FBH1: variants seen among roughly 807,000 people sequenced by gnomAD.
FBH1 encodes F-box DNA helicase 1, also known as DNA 3'-5' helicase 1.
FBH1 carries 43 observed loss-of-function variants against 115.5 expected under a neutral mutation model. The ratio of observed to expected loss-of-function variants is 0.37; its 90% confidence interval spans 0.29 to 0.48. The LOEUF (loss-of-function observed/expected upper bound fraction) is 0.48. Ranked by LOEUF, FBH1 falls within the 20% of genes least tolerant of loss-of-function variation. The pLI is 0.99. For missense variants in FBH1, 1,001 were observed against 1,337.3 expected (o/e 0.75, Z 3.92); for synonymous variants, 524 against 507.8 (o/e 1.03, Z -0.43).
Position 5,936,594 on chromosome 10 carries a change from C to A in FBH1, c.2961+7C>A. On this transcript the variant is annotated splice_region_variant and intron_variant, in intron 20 of 20. Transcript: ENST00000362091. This position sits in a 1 kb window ranked among gnomAD's most constrained non-coding sequence, Gnocchi z 5.6. ...GAAGCTGCCCATCACCTATGTACGTCTGCTGTCTGTGGAACTTAATTCAGC... is the reference window on the plus strand; with the variant it reads ...GAAGCTGCCCATCACCTATGTACGTATGCTGTCTGTGGAACTTAATTCAGC... 6.2e-7 allele frequency: 1 copy of A among 1,613,332 alleles called. No individual in the cohort carries two copies. The highest frequency in any genetic ancestry group is 1.1e-5 in the South Asian group (1 of 91,048).
intron 19 of FBH1, chr10:5,929,640 C>T (rs1034200464): frequency 1.3e-5 from 2 of 152,240 alleles, no homozygotes; most frequent in Admixed American, 6.5e-5. Context: ...TACCCAGCCC[C>T]ACTGCTGTAG....
Position 5,895,180 on chromosome 10 carries a change from C to A in FBH1, c.1+4834C>A, listed in dbSNP as rs770334474. 6.2e-7 allele frequency: 1 copy of A among 1,612,210 alleles called. No homozygotes were observed. The highest frequency in any genetic ancestry group is 1.3e-5 in the African/African-American group (1 of 74,834). On this transcript the variant is annotated intron_variant, in intron 1 of 20. Transcript: ENST00000362091. This position sits in a 1 kb window ranked among gnomAD's most constrained non-coding sequence, Gnocchi z 5.0. ...CCCACTTGCTGGTCTTCACAGAGCA[C>A]GCTGAAAGTAAGAGGCATGTGGGAA...
Position 5,918,670 on chromosome 10 carries a change from C to T in FBH1, c.2100+192C>T, listed in dbSNP as rs1208063426. Among the ~76,000 whole-genome samples the T allele has an allele frequency of 6.6e-6, 1 of 152,182 alleles. No homozygotes were observed. The highest frequency in any genetic ancestry group is 2.4e-5 in the African/African-American group (1 of 41,446). On this transcript the variant is annotated intron_variant, in intron 13 of 20. Transcript: ENST00000362091. This position sits in a 1 kb window ranked among gnomAD's most constrained non-coding sequence, Gnocchi z 4.0. ...TCATAAGAGGTGTGTGCACAGCGGTCGTCTGAGGAAGAGCTGCTGCGGCTG... is the reference window on the plus strand; with the variant it reads ...TCATAAGAGGTGTGTGCACAGCGGTTGTCTGAGGAAGAGCTGCTGCGGCTG...
At chr10:5,928,410 A>C (rs1832782850) in intron 19 of FBH1, 3 of 152,196 alleles carry the variant, frequency 2.0e-5, no homozygotes, top group Non-Finnish European at 4.4e-5. Context: ...TCAGCCTCCC[A>C]AAGTGCTGGA....
rs987103260 is a variant in FBH1, at chr10:5,936,230, AATATAT to A, written c.2830-219_2830-214del. Reference sequence around the variant, plus strand: ...AATAGTTTTGCATGTTTATCTGTTAAATATATATATATTTAAAAAGCAATTGGACTG... The same window carrying A: ...AATAGTTTTGCATGTTTATCTGTTAAATATATTTAAAAAGCAATTGGACTG... On this transcript the variant is annotated intron_variant, in intron 19 of 20. Coordinates refer to ENST00000362091, the MANE Select transcript of FBH1 (RefSeq NM_178150.3). This position sits in a 1 kb window ranked among gnomAD's most constrained non-coding sequence, Gnocchi z 5.6. The A allele has an allele frequency of 3.0e-6, 1 of 334,644 alleles. No homozygotes were observed. The highest frequency in any genetic ancestry group is 2.0e-5 in the African/African-American group (1 of 48,968). The allele number at this position is 334,644 out of a possible 1,614,324, so 20.7% of individuals were successfully genotyped here.
chr10:5,900,158 A>G lies in FBH1; in HGVS notation c.2-2862A>G, dbSNP rs985187237. On this transcript the variant is annotated intron_variant, in intron 1 of 20. Coordinates refer to ENST00000362091, the MANE Select transcript of FBH1 (RefSeq NM_178150.3). The surrounding 1 kb of genome is among the most constrained non-coding windows in gnomAD (Gnocchi z 4.2). ...ACTTCCTGCTTTGCCATTAGGTGGC[A>G]TCTTTATAATTTGAAGGATATTTCA... is the stretch of plus-strand genomic sequence containing the variant. Among the ~76,000 whole-genome samples the G allele has an allele frequency of 6.6e-6, 1 of 152,240 alleles. No individual in the cohort carries two copies. The highest frequency in any genetic ancestry group is 2.4e-5 in the African/African-American group (1 of 41,474).
intron 19 of FBH1, 139 bp downstream of exon 19, chr10:5,927,680 G>T (rs765543525): frequency 1.1e-5 from 7 of 628,284 alleles, no homozygotes; most frequent in African/African-American, 5.5e-5. Flanking sequence ...AACGTGCAAA[G>T]GCCGATGACC....
rs1013397226 is a variant in FBH1 at position 5,933,256 on chromosome 10, C to T, written c.2830-3200C>T. ...TACAAAAATTAGCTGGGTGTAGTGG[C>T]GTATGCCTGTAATCCCAGCTACTCA... On this transcript the variant is annotated intron_variant, in intron 19 of 20. Coordinates refer to ENST00000362091, the MANE Select transcript of FBH1 (RefSeq NM_178150.3). The surrounding 1 kb of genome is among the most constrained non-coding windows in gnomAD (Gnocchi z 4.9). Among the ~76,000 whole-genome samples, 4 of 152,152 alleles carry T rather than the reference C, an allele frequency of 2.6e-5. No individual in the cohort carries two copies. Among genetic ancestry groups the T allele is most frequent in the South Asian group, 4.1e-4 (2 of 4,824 alleles).
rs927575363 is a variant in FBH1 at position 5,890,306 on chromosome 10, CCGG to C, written c.-29_-27del. On this transcript the variant is annotated 5_prime_UTR_variant, in exon 1 of 21. Coordinates refer to ENST00000362091, the MANE Select transcript of FBH1 (RefSeq NM_178150.3). The stretch of plus-strand genomic sequence containing the variant: ...GGGCTGAGCGGCCGGCGGCGCGGGC[CCGG>C]CGGCGGCGGCAGCGGGGTCCGGGTC... 1.6e-5 allele frequency: 6 copies of C among 375,528 alleles called. No homozygotes were observed. Among genetic ancestry groups the C allele is most frequent in the East Asian group, 4.0e-5 (1 of 24,866 alleles). The allele number at this position is 375,528 out of a possible 1,614,324, so 23.3% of individuals were successfully genotyped here. A position where few individuals can be genotyped will look rare whatever the true frequency, so the allele number is the denominator to read the frequency against.
intron 1 of FBH1, 133 bp downstream of exon 1, chr10:5,890,479 G>A: frequency 3.3e-6 from 1 of 307,046 alleles, no homozygotes; most frequent in Non-Finnish European, 6.3e-6. Flanking sequence ...GCGAGGCTGG[G>A]CTCGGGCAAG....
rs1185827891 is a variant in FBH1, at chr10:5,932,568, C to T, written c.2830-3888C>T. Among the ~76,000 whole-genome samples the T allele has an allele frequency of 6.6e-6, 1 of 152,222 alleles. No individual in the cohort carries two copies. The highest frequency in any genetic ancestry group is 1.5e-5 in the Non-Finnish European group (1 of 68,046). On this transcript the variant is annotated intron_variant, in intron 19 of 20. Coordinates refer to ENST00000362091, the MANE Select transcript of FBH1 (RefSeq NM_178150.3). This position sits in a 1 kb window ranked among gnomAD's most constrained non-coding sequence, Gnocchi z 5.9. ...TGCCGTTCTCGCTCATGGACGTGGT[C>T]ACTTCCAGCCTTTTGCTTTCATTAA...
At chr10:5,891,570 T>C (rs1479989187) in intron 1 of FBH1, among the ~76,000 whole-genome samples, 1 of 152,208 alleles carries the variant, frequency 6.6e-6, no homozygotes, top group African/African-American at 2.4e-5. Context: ...TTCCCTGTTT[T>C]TTAAACATAA....
chr10:5,936,731 G>A lies in FBH1; in HGVS notation c.2961+144G>A, dbSNP rs1178958268. On this transcript the variant is annotated intron_variant, in intron 20 of 20. Transcript: ENST00000362091. This position sits in a 1 kb window ranked among gnomAD's most constrained non-coding sequence, Gnocchi z 5.6. ...GCTTTTCATATGAGAGGCACAAGAGGTGTGTGGTCTGTCCCAGGGTCAGAG... is the reference window on the plus strand; with the variant it reads ...GCTTTTCATATGAGAGGCACAAGAGATGTGTGGTCTGTCCCAGGGTCAGAG... The A allele has an allele frequency of 1.8e-5, 20 of 1,091,234 alleles. No individual in the cohort carries two copies. Among genetic ancestry groups the A allele is most frequent in the Admixed American group, 1.3e-4 (6 of 45,598 alleles). 67.6% of individuals were successfully genotyped at this position (1,091,234 alleles called of 1,614,324 possible).
chr10:5,930,893 G>A (rs931171277), intron 19 of FBH1, among the ~76,000 whole-genome samples: 7 of 152,000 alleles, frequency 4.6e-5, no homozygotes, highest in African/African-American at 1.2e-4. Flanking sequence ...CTGGGAACAC[G>A]CATGCACCAT....
intron 1 of FBH1, among the ~76,000 whole-genome samples, chr10:5,901,315 C>T (rs1843333744): frequency 6.6e-6 from 1 of 151,974 alleles, no homozygotes; most frequent in Admixed American, 6.6e-5. Context: ...TGCCACCATG[C>T]CCAGCTAATT....
At position 5,921,334 on chromosome 10, in the gene FBH1, C is replaced by T; in HGVS notation, c.2177C>T (p.Thr726Ile). Residue 726 changes from threonine to isoleucine, a missense_variant, in exon 14 of 21, where the codon ACT becomes ATT. By Grantham distance (89) the Thr-to-Ile change is moderately conservative (BLOSUM62 -1). This residue lies in a region of FBH1 where 521 missense variants were observed against 811.0 expected (regional missense o/e 0.64). Coordinates refer to ENST00000362091, the MANE Select transcript of FBH1 (RefSeq NM_178150.3). This position sits in a 1 kb window ranked among gnomAD's most constrained non-coding sequence, Gnocchi z 6.4. The stretch of plus-strand genomic sequence containing the variant: ...GTTTGCAAGAGAGTCAGGAAAAAGA[C>T]TTTGGTTGGAGGAAACCATCAGAGT... The part of the protein sequence containing the change: ...LDVCKRVRKK[T>I]LVGGNHQSGI... The T allele has an allele frequency of 6.2e-7, 1 of 1,614,152 alleles. No homozygotes were observed. The highest frequency in any genetic ancestry group is 8.5e-7 in the Non-Finnish European group (1 of 1,180,034).
rs750269624 is a variant in FBH1 at position 5,936,592 on chromosome 10, G to A, written c.2961+5G>A. ...AAGAAGCTGCCCATCACCTATGTAC[G>A]TCTGCTGTCTGTGGAACTTAATTCA... On this transcript the variant is annotated splice_donor_5th_base_variant and intron_variant, in intron 20 of 20. Transcript: ENST00000362091. The surrounding 1 kb of genome is among the most constrained non-coding windows in gnomAD (Gnocchi z 5.6). 4 of 1,613,058 alleles carry A rather than the reference G, an allele frequency of 2.5e-6. No individual in the cohort carries two copies. The highest frequency in any genetic ancestry group is 1.7e-5 in the Admixed American group (1 of 59,982).
In FBH1 at chr10:5,917,099, A is replaced by G. The variant is rs905600746; in HGVS notation, c.1789-321A>G. ...TTCTTTTTTTCATCAAGTCTTTTCA[A>G]TCATGTGCCATTGTTTTTGTGAATT... On this transcript the variant is annotated intron_variant, in intron 10 of 20. Transcript: ENST00000362091. The surrounding 1 kb of genome is among the most constrained non-coding windows in gnomAD (Gnocchi z 5.6). The G allele has an allele frequency of 3.4e-6, 1 of 293,090 alleles. No homozygotes were observed. The allele number at this position is 293,090 out of a possible 1,614,324, so 18.2% of individuals were successfully genotyped here. A position where few individuals can be genotyped will look rare whatever the true frequency, so the allele number is the denominator to read the frequency against.
Position 5,890,302 on chromosome 10 carries a change from G to C in FBH1, c.-44G>C. ...CGCTGGGCTGAGCGGCCGGCGGCGC[G>C]GGCCCGGCGGCGGCGGCAGCGGGGT... On this transcript the variant is annotated 5_prime_UTR_variant, in exon 1 of 21. Coordinates refer to ENST00000362091, the MANE Select transcript of FBH1 (RefSeq NM_178150.3). 2.7e-6 allele frequency: 1 copy of C among 375,366 alleles called. No individual in the cohort carries two copies. The allele number at this position is 375,366 out of a possible 1,614,324, so 23.3% of individuals were successfully genotyped here. A position where few individuals can be genotyped will look rare whatever the true frequency, so the allele number is the denominator to read the frequency against.
Sources: gnomAD v4.1 joint callset for allele counts (sites outside exome capture counted in the v4.1 genomes callset) on GRCh38, gnomAD v4.1.1 for gene constraint, gnomAD v4.1.1 regional missense constraint, Gnocchi (gnomAD v3.1) non-coding constraint, MANE v1.5 for transcripts, NCBI Gene and HGNC (gene_info 2026-07-23, HGNC 2026-07-21) for gene names.